The following IFT80 variants were observed in gnomAD, a reference collection of about 807,000 sequenced individuals.
The protein encoded by IFT80 is intraflagellar transport protein 80 homolog.
Under a neutral mutation model 107.9 loss-of-function variants are expected in IFT80, and 79 were observed. The ratio of observed to expected loss-of-function variants is 0.73; its 90% confidence interval spans 0.61 to 0.88. The LOEUF is 0.88. IFT80 is among the 40% of genes least tolerant of loss of function. IFT80 has a pLI of 0.00. For missense variants in IFT80, 797 were observed against 914.2 expected, an observed-to-expected ratio of 0.87 and a Z score of 1.65; for synonymous variants, 299 against 300.9, an observed-to-expected ratio of 0.99 and a Z score of 0.07.
chr3:160,315,716 C>G (rs2108292440), intron 9 of IFT80, among the ~76,000 whole-genome samples: 1 of 151,990 alleles, frequency 6.6e-6, no homozygotes, highest in Non-Finnish European at 1.5e-5. Flanking sequence ...CCATTGTAAA[C>G]TGGGAATATG....
At chr3:160,270,755 C>CTTA (rs1428842395) in intron 18 of IFT80, among the ~76,000 whole-genome samples, 1 of 152,134 alleles carries the variant, frequency 6.6e-6, no homozygotes, top group East Asian at 1.9e-4. Flanking sequence ...ATGTATATCC[C>CTTA]TAAGGCTCTG....
rs565616186 is a variant in IFT80, at chr3:160,349,547, G to C, written c.777+6466C>G. 1.2e-4 allele frequency among the ~76,000 whole-genome samples: 18 copies of C among 152,142 alleles called. No individual in the cohort carries two copies. In the South Asian group the frequency reaches 3.5e-3, roughly 30 times the overall value. Reference sequence around the variant, plus strand: ...TTTTATAAATTTGTGGAAAATGCTAGGGTATAGATCATTCCTGGAGATTAG... The same window carrying C: ...TTTTATAAATTTGTGGAAAATGCTACGGTATAGATCATTCCTGGAGATTAG... On this transcript the variant is annotated intron_variant, in intron 8 of 19. Transcript: ENST00000326448.
intron 8 of IFT80, among the ~76,000 whole-genome samples, chr3:160,322,425 C>T (rs1718310806): frequency 6.6e-6 from 1 of 151,964 alleles, no homozygotes; most frequent in African/African-American, 2.4e-5. Context: ...TTTCTTAATC[C>T]AGTCTATCAT....
intron 9 of IFT80, among the ~76,000 whole-genome samples, chr3:160,315,360 C>T (rs1157059938): frequency 6.6e-6 from 1 of 152,168 alleles, no homozygotes; most frequent in Non-Finnish European, 1.5e-5. Context: ...TGTTAATTTA[C>T]ATTGTTAGGG....
intron 11 of IFT80, among the ~76,000 whole-genome samples, chr3:160,302,524 G>A (rs1223869909): frequency 1.3e-5 from 2 of 151,894 alleles, no homozygotes; most frequent in African/African-American, 4.8e-5. Flanking sequence ...CTGTTTGAAG[G>A]GGCAAACATC....
At position 160,393,133 on chromosome 3, in the gene IFT80, C is replaced by A. The variant is rs76562033; in HGVS notation, c.-47+6013G>T. 7.0e-3 allele frequency among the ~76,000 whole-genome samples: 1,064 copies of A among 152,298 alleles called. 11 individuals are homozygous for A. The highest frequency in any genetic ancestry group is 0.024 in the African/African-American group (994 of 41,552). Reference sequence around the variant, plus strand: ...AACACTCTTCAGTGGCTTCCTATCTCACCCAGAGATTTAAAGACAGTTTCT... The same window carrying A: ...AACACTCTTCAGTGGCTTCCTATCTAACCCAGAGATTTAAAGACAGTTTCT... On this transcript the variant is annotated intron_variant, in intron 1 of 19. Coordinates refer to ENST00000326448, the MANE Select transcript of IFT80 (RefSeq NM_020800.3).
chr3:160,313,061 A>AT (rs1717529062), intron 9 of IFT80, among the ~76,000 whole-genome samples: 4 of 101,928 alleles, frequency 3.9e-5, no homozygotes, highest in Non-Finnish European at 7.4e-5. Context: ...TAAATATAAT[A>AT]TATATTATAT....
At chr3:160,378,359 T>C (rs1029056973) in intron 3 of IFT80, among the ~76,000 whole-genome samples, 1 of 152,158 alleles carries the variant, frequency 6.6e-6, no homozygotes, top group Non-Finnish European at 1.5e-5. Flanking sequence ...TGATTTATCA[T>C]AGCACTATAT....
intron 1 of IFT80, among the ~76,000 whole-genome samples, chr3:160,397,716 CTTTTTTTTTT>C (rs545413654): frequency 1.0e-5 from 1 of 96,598 alleles, no homozygotes; most frequent in Non-Finnish European, 2.0e-5. Flanking sequence ...TTGGTCTATA[CTTTTTTTTTT>C]TTTTTTTTTT....
At chr3:160,325,292 T>C (rs1025692500) in intron 8 of IFT80, among the ~76,000 whole-genome samples, 5 of 152,100 alleles carry the variant, frequency 3.3e-5, no homozygotes, top group Non-Finnish European at 7.4e-5. Flanking sequence ...TTAAAGTTCA[T>C]ATGGAACCAA....
In IFT80 at chr3:160,300,769, T is replaced by C. The variant is rs1332656699; in HGVS notation, c.1315+114A>G. On this transcript the variant is annotated intron_variant, in intron 12 of 19. Coordinates refer to ENST00000326448, the MANE Select transcript of IFT80 (RefSeq NM_020800.3). ...AAACAAAATAGAAAGCTCATAATTC[T>C]TTTTCTATAAAGCTGATGTACTGGT... The C allele has an allele frequency of 8.7e-6, 7 of 804,606 alleles. No homozygotes were observed. In the East Asian group the frequency reaches 1.1e-4, roughly 13 times the overall value. 49.8% of individuals were successfully genotyped at this position (804,606 alleles called of 1,614,324 possible). A position where few individuals can be genotyped will look rare whatever the true frequency, so the allele number is the denominator to read the frequency against.
intron 18 of IFT80, among the ~76,000 whole-genome samples, chr3:160,270,795 T>C (rs2108214070): frequency 6.6e-6 from 1 of 152,284 alleles, no homozygotes; most frequent in East Asian, 1.9e-4. Flanking sequence ...GAGTGGAGAC[T>C]GATGAGCTAC....
intron 8 of IFT80, among the ~76,000 whole-genome samples, chr3:160,352,593 C>A (rs752671948): frequency 3.3e-5 from 5 of 152,064 alleles, no homozygotes; most frequent in Non-Finnish European, 5.9e-5. Flanking sequence ...TTCACAGAGC[C>A]TCATTCTCTG....
chr3:160,315,830 C>CT (rs1018090296), intron 9 of IFT80, among the ~76,000 whole-genome samples: 63 of 151,830 alleles, frequency 4.1e-4, no homozygotes, highest in African/African-American at 1.4e-3. Flanking sequence ...TCTAGGTTAT[C>CT]TTTTTTTTAG....
chr3:160,325,688 AC>A (rs1180248764), intron 8 of IFT80, among the ~76,000 whole-genome samples: 2 of 152,062 alleles, frequency 1.3e-5, no homozygotes, highest in African/African-American at 2.4e-5. Context: ...TGAGAATGAG[AC>A]CCAAATCTAA....
At chr3:160,365,595 G>A (rs765031743) in intron 6 of IFT80, among the ~76,000 whole-genome samples, 6 of 151,980 alleles carry the variant, frequency 3.9e-5, no homozygotes, top group African/African-American at 9.7e-5. Context: ...CTGTATGCCC[G>A]GAATTGTCCT....
At chr3:160,386,602 C>T (rs750149549) in intron 1 of IFT80, among the ~76,000 whole-genome samples, 3 of 152,092 alleles carry the variant, frequency 2.0e-5, no homozygotes, top group Non-Finnish European at 4.4e-5. Flanking sequence ...ATGGGCCCAA[C>T]GAAATCTGAG....
At chr3:160,269,327 G>A (rs868471277) in intron 18 of IFT80, among the ~76,000 whole-genome samples, 9 of 151,802 alleles carry the variant, frequency 5.9e-5, no homozygotes, top group East Asian at 1.9e-4. Context: ...ATTTTCATAA[G>A]TCTATACTGA....
intron 1 of IFT80, among the ~76,000 whole-genome samples, chr3:160,390,375 C>T (rs1576909520): frequency 1.3e-5 from 2 of 151,440 alleles, no homozygotes; most frequent in South Asian, 4.2e-4. Context: ...CGAGATCGCA[C>T]CATTGCACTC....
Sources: allele counts gnomAD v4.1 joint callset (sites outside exome capture counted in the v4.1 genomes callset), GRCh38; gene constraint gnomAD v4.1.1; transcripts MANE v1.5; gene names NCBI Gene and HGNC (gene_info 2026-07-23, HGNC 2026-07-21).